CNTN5: variants seen among roughly 807,000 people sequenced by gnomAD.
CNTN5 encodes contactin 5.
In CNTN5, 77 loss-of-function variants were observed where a neutral mutation model predicts 129.1. That is an observed-to-expected ratio of 0.60 (90% CI 0.50 to 0.72). The LOEUF is 0.72. CNTN5 is among the 30% of genes least tolerant of loss of function. The pLI is 0.00. For missense variants in CNTN5, 1,478 were observed against 1,328.8 expected (o/e 1.11, Z -1.75); for synonymous variants, 509 against 465.6 (o/e 1.09, Z -1.20).
At chr11:100,286,650 TG>T (rs1950801605) in intron 18 of CNTN5, among the ~76,000 whole-genome samples, 3 of 148,666 alleles carry the variant, frequency 2.0e-5, no homozygotes, top group South Asian at 4.3e-4. Flanking sequence ...ACCACAAAGA[TG>T]GGGAAAAAAC....
intron 15 of CNTN5, among the ~76,000 whole-genome samples, chr11:100,218,317 T>G (rs1325232461): frequency 6.6e-6 from 1 of 152,116 alleles, no homozygotes; most frequent in Admixed American, 6.6e-5. Context: ...AGACTTCAAG[T>G]CAATAAAGCA....
chr11:99,263,181 C>A (rs1862723770), intron 1 of CNTN5, among the ~76,000 whole-genome samples: 2 of 152,080 alleles, frequency 1.3e-5, no homozygotes, highest in South Asian at 4.1e-4. Context: ...TATGTGTCTT[C>A]TACGCTCCTT....
intron 3 of CNTN5, among the ~76,000 whole-genome samples, chr11:99,565,299 C>T (rs1309595986): frequency 1.3e-5 from 2 of 152,046 alleles, no homozygotes; most frequent in African/African-American, 4.8e-5. Flanking sequence ...AAAAGAAATG[C>T]AATTGTCTTA....
chr11:99,092,916 A>G (rs1019394881), intron 1 of CNTN5, among the ~76,000 whole-genome samples: 5 of 151,978 alleles, frequency 3.3e-5, no homozygotes. Context: ...TTTTTTTGAG[A>G]TTGTTACATT....
chr11:99,118,217 C>A (rs1163719370), intron 1 of CNTN5, among the ~76,000 whole-genome samples: 16 of 151,974 alleles, frequency 1.1e-4, no homozygotes, highest in Admixed American at 1.1e-3. Context: ...TGTGAGAGTA[C>A]CACACGTTCA....
chr11:99,119,935 T>G (rs2135404231), intron 1 of CNTN5, among the ~76,000 whole-genome samples: 2 of 152,310 alleles, frequency 1.3e-5, no homozygotes, highest in Middle Eastern at 3.4e-3. Context: ...TTTTGAAAAG[T>G]ATTCATGTAT....
intron 2 of CNTN5, among the ~76,000 whole-genome samples, chr11:99,405,356 G>T (rs1942026158): frequency 6.6e-6 from 1 of 151,776 alleles, no homozygotes; most frequent in African/African-American, 2.4e-5. Flanking sequence ...CCTTTTTGAG[G>T]TTATTTTCTA....
At chr11:100,040,296 C>G (rs1395262343) in intron 9 of CNTN5, among the ~76,000 whole-genome samples, 2 of 152,178 alleles carry the variant, frequency 1.3e-5, no homozygotes, top group Non-Finnish European at 2.9e-5. Context: ...TATTGGAGAA[C>G]TGCAGATGCT....
chr11:99,042,618 G>A (rs1440265832), intron 1 of CNTN5, among the ~76,000 whole-genome samples: 2 of 151,954 alleles, frequency 1.3e-5, no homozygotes, highest in African/African-American at 4.8e-5. Context: ...CTTGTGATCT[G>A]CCTGTCTCGG....
intron 1 of CNTN5, among the ~76,000 whole-genome samples, chr11:99,083,599 A>G (rs1256470717): frequency 6.6e-6 from 1 of 152,180 alleles, no homozygotes; most frequent in Non-Finnish European, 1.5e-5. Context: ...TTTAAAGAAA[A>G]AAAAAGTATA....
intron 2 of CNTN5, among the ~76,000 whole-genome samples, chr11:99,400,703 A>T (rs1239011311): frequency 6.6e-6 from 1 of 152,138 alleles, no homozygotes; most frequent in African/African-American, 2.4e-5. Flanking sequence ...CCAATAGCAT[A>T]CAAGGGTTGC....
chr11:99,734,603 A>T (rs1234756570), intron 3 of CNTN5, among the ~76,000 whole-genome samples: 1 of 152,160 alleles, frequency 6.6e-6, no homozygotes, highest in African/African-American at 2.4e-5. Context: ...CCTCAAAAAC[A>T]GACTTCTAAA....
chr11:99,648,712 G>T (rs1409799476), intron 3 of CNTN5, among the ~76,000 whole-genome samples: 1 of 151,784 alleles, frequency 6.6e-6, no homozygotes, highest in Non-Finnish European at 1.5e-5. Context: ...ATTTACAATG[G>T]AATACTATGT....
intron 4 of CNTN5, among the ~76,000 whole-genome samples, chr11:99,839,443 T>C (rs1031400778): frequency 6.6e-6 from 1 of 152,048 alleles, no homozygotes; most frequent in Non-Finnish European, 1.5e-5. Flanking sequence ...ATCTAAGTTT[T>C]TGTATGGGAG....
intron 3 of CNTN5, among the ~76,000 whole-genome samples, chr11:99,580,158 C>A (rs1028429303): frequency 2.6e-5 from 4 of 152,152 alleles, no homozygotes; most frequent in South Asian, 2.1e-4. Flanking sequence ...GTTGAACCAG[C>A]CTTGCATCCC....
intron 3 of CNTN5, among the ~76,000 whole-genome samples, chr11:99,739,312 A>G (rs1209815034): frequency 2.6e-5 from 4 of 152,226 alleles, no homozygotes; most frequent in African/African-American, 9.6e-5. Context: ...AAGTGGTGAA[A>G]ATGATAGGGT....
chr11:100,150,017 T>G (rs563409207), intron 13 of CNTN5, among the ~76,000 whole-genome samples: 6 of 152,216 alleles, frequency 3.9e-5, no homozygotes, highest in African/African-American at 9.6e-5. Context: ...TCTACCAATA[T>G]AAACAGGAGA....
chr11:99,994,755 C>T (rs550649541), intron 8 of CNTN5, among the ~76,000 whole-genome samples: 1 of 152,244 alleles, frequency 6.6e-6, no homozygotes, highest in African/African-American at 2.4e-5. Flanking sequence ...AAACAGGATG[C>T]CTGGAGTCTT....
intron 17 of CNTN5, among the ~76,000 whole-genome samples, chr11:100,264,763 G>A (rs1270703785): frequency 6.6e-6 from 1 of 152,078 alleles, no homozygotes; most frequent in Non-Finnish European, 1.5e-5. Context: ...TGCGATTGCT[G>A]GGTCAAATGG....
Sources: allele counts gnomAD v4.1 joint callset (sites outside exome capture counted in the v4.1 genomes callset), GRCh38; gene constraint gnomAD v4.1.1; transcripts MANE v1.5; gene names NCBI Gene and HGNC (gene_info 2026-07-23, HGNC 2026-07-21).